CCDC66: variants seen among roughly 807,000 people sequenced by gnomAD.
CCDC66 encodes coiled-coil domain-containing protein 66.
Under a neutral mutation model 128.3 loss-of-function variants are expected in CCDC66, and 133 were observed. The observed-to-expected ratio is 1.04, with a 90% confidence interval of 0.90 to 1.20. The LOEUF (loss-of-function observed/expected upper bound fraction) is 1.20. CCDC66 is among the 50% of genes most tolerant of loss of function. The pLI is 0.00. For synonymous variants in CCDC66, 387 were observed against 357.0 expected (o/e 1.08, Z -0.95); for missense variants, 1,126 against 1,075.5 (o/e 1.05, Z -0.66).
At chr3:56,616,240 T>C in intron 13 of CCDC66, 187 bp downstream of exon 13, 1 of 480,708 alleles carries the variant, frequency 2.1e-6, no homozygotes, top group South Asian at 2.2e-5. Context: ...TCCTACAGTT[T>C]AGTCTTTTTT....
intron 10 of CCDC66, among the ~76,000 whole-genome samples, chr3:56,610,128 A>T (rs1460442030): frequency 6.6e-6 from 1 of 152,208 alleles, no homozygotes; most frequent in Non-Finnish European, 1.5e-5. Flanking sequence ...GTCTTTAGCA[A>T]GGCCAGGGAA....
At chr3:56,585,564 C>A (rs1171517287) in intron 7 of CCDC66, among the ~76,000 whole-genome samples, 1 of 151,484 alleles carries the variant, frequency 6.6e-6, no homozygotes, top group Non-Finnish European at 1.5e-5. Flanking sequence ...GAAAAGAGGG[C>A]CAATTTGAAG....
At chr3:56,566,863 T>A in intron 5 of CCDC66, 87 bp from the exon 6 acceptor site, 1 of 1,473,980 alleles carries the variant, frequency 6.8e-7, no homozygotes, top group Non-Finnish European at 9.3e-7. Context: ...CTTAGAGCTA[T>A]TTAAAAGCTT....
intron 3 of CCDC66, among the ~76,000 whole-genome samples, chr3:56,562,549 A>T (rs1022410209): frequency 4.6e-5 from 7 of 152,206 alleles, no homozygotes; most frequent in Non-Finnish European, 8.8e-5. Context: ...ACAATAAAAA[A>T]ATTTTTATGA....
At chr3:56,601,999 A>G (rs1402601490) in intron 10 of CCDC66, among the ~76,000 whole-genome samples, 1 of 152,084 alleles carries the variant, frequency 6.6e-6, no homozygotes, top group Non-Finnish European at 1.5e-5. Context: ...AGAACTTCCA[A>G]TACTATGTTG....
chr3:56,567,400 TAAA>T (rs752980476), intron 6 of CCDC66, among the ~76,000 whole-genome samples: 2 of 151,834 alleles, frequency 1.3e-5, no homozygotes, highest in Non-Finnish European at 2.9e-5. Context: ...AATAAATAAA[TAAA>T]AAAGAATATG....
At chr3:56,583,633 C>T (rs1382347940) in intron 7 of CCDC66, among the ~76,000 whole-genome samples, 2 of 151,934 alleles carry the variant, frequency 1.3e-5, no homozygotes, top group South Asian at 2.1e-4. Context: ...CATAGATCAA[C>T]AGCATCCCAA....
intron 6 of CCDC66, among the ~76,000 whole-genome samples, chr3:56,568,024 GGTAGTA>G (rs1480649567): frequency 6.6e-6 from 1 of 152,120 alleles, no homozygotes; most frequent in East Asian, 1.9e-4. Context: ...AGACCTCAAA[GGTAGTA>G]GCCTTCAGAG....
chr3:56,614,764 C>CA (rs1312510027), intron 11 of CCDC66, among the ~76,000 whole-genome samples: 1 of 152,152 alleles, frequency 6.6e-6, no homozygotes, highest in Non-Finnish European at 1.5e-5. Flanking sequence ...AGCCAGTTAC[C>CA]CCTAGGTAAC....
chr3:56,591,685 G>A (rs1358598501), intron 7 of CCDC66, among the ~76,000 whole-genome samples: 2 of 152,154 alleles, frequency 1.3e-5, no homozygotes, highest in African/African-American at 4.8e-5. Flanking sequence ...TCCTTTTGAA[G>A]TGATTGTTTT....
At chr3:56,616,909 T>C (rs940159054) in intron 13 of CCDC66, 7 of 454,772 alleles carry the variant, frequency 1.5e-5, no homozygotes, top group Middle Eastern at 1.2e-3. Flanking sequence ...TATCAGTTCA[T>C]AGAAATGGAA....
intron 10 of CCDC66, among the ~76,000 whole-genome samples, chr3:56,603,857 C>A (rs927890116): frequency 9.9e-5 from 15 of 151,986 alleles, no homozygotes; most frequent in Non-Finnish European, 2.1e-4. Flanking sequence ...TTTTCTGTCT[C>A]ATTGATCTGT....
chr3:56,577,710 T>C (rs576600214), intron 7 of CCDC66, among the ~76,000 whole-genome samples: 1 of 151,986 alleles, frequency 6.6e-6, no homozygotes, highest in Admixed American at 6.6e-5. Flanking sequence ...GTCAGGTTTG[T>C]CAAAGATCAG....
rs2067158922 is a variant in CCDC66, at chr3:56,574,954, T to G, written c.936+3652T>G. ...ATCCATTAATCCATGGATAGAAATTTGGATTGTTTCTACCTTTTGGCTATT... is the reference window on the plus strand; with the variant it reads ...ATCCATTAATCCATGGATAGAAATTGGGATTGTTTCTACCTTTTGGCTATT... On this transcript the variant is annotated intron_variant, in intron 7 of 17. Transcript: ENST00000394672. Among the ~76,000 whole-genome samples the G allele has an allele frequency of 2.0e-5, 3 of 151,902 alleles. No homozygotes were observed. In the South Asian group the frequency reaches 6.2e-4, roughly 31 times the overall value.
At chr3:56,594,543 G>A (rs571285529) in intron 10 of CCDC66, among the ~76,000 whole-genome samples, 14 of 152,142 alleles carry the variant, frequency 9.2e-5, no homozygotes, top group Admixed American at 3.3e-4. Flanking sequence ...TTAGCTGGGC[G>A]TGGTGGCAGG....
chr3:56,572,173 A>T (rs1283121507), intron 7 of CCDC66, among the ~76,000 whole-genome samples: 1 of 152,244 alleles, frequency 6.6e-6, no homozygotes, highest in African/African-American at 2.4e-5. Context: ...TTTGAAATGA[A>T]TACAAAACTC....
rs1023335466 is a variant in CCDC66 at position 56,608,627 on chromosome 3, G to C, written c.1405-4962G>C. On this transcript the variant is annotated intron_variant, in intron 10 of 17. Coordinates refer to ENST00000394672, the MANE Select transcript of CCDC66 (RefSeq NM_001141947.3). ...TTTCATTTAGTTCTGCTCTGATGTTGGTTGTTTCCTTTCTTCTGCTAGGTT... is the reference window on the plus strand; with the variant it reads ...TTTCATTTAGTTCTGCTCTGATGTTCGTTGTTTCCTTTCTTCTGCTAGGTT... Among the ~76,000 whole-genome samples the C allele has an allele frequency of 6.6e-5, 10 of 151,562 alleles. 1 individual carries two copies. Among genetic ancestry groups the C allele is most frequent in the Admixed American group, 1.3e-4 (2 of 15,230 alleles).
chr3:56,594,090 C>A, intron 10 of CCDC66, 62 bp downstream of exon 10: 2 of 1,423,126 alleles, frequency 1.4e-6, no homozygotes, highest in Non-Finnish European at 2.0e-6. Context: ...GAACATATAC[C>A]TAAGTAAATG....
chr3:56,619,694 G>A (rs938028602), intron 16 of CCDC66, 83 bp from the exon 17 acceptor site: 3 of 1,520,114 alleles, frequency 2.0e-6, no homozygotes, highest in African/African-American at 2.8e-5. Context: ...TTATTATAAT[G>A]ACTCCTGACA....
Sources: gnomAD v4.1 joint callset for allele counts (sites outside exome capture counted in the v4.1 genomes callset) on GRCh38, gnomAD v4.1.1 for gene constraint, MANE v1.5 for transcripts, NCBI Gene and HGNC (gene_info 2026-07-23, HGNC 2026-07-21) for gene names.